Variants in DOCK7 observed in about 807,000 individuals in gnomAD.
The protein encoded by DOCK7 is dedicator of cytokinesis 7.
A neutral mutation model predicts 271.0 loss-of-function variants in DOCK7; 138 were observed. The observed-to-expected ratio is 0.51, with a 90% CI of 0.44 to 0.59. The LOEUF (loss-of-function observed/expected upper bound fraction) is 0.59, where lower values mean the gene tolerates loss of function less well. Among genes scored for constraint, DOCK7 ranks in the 20% least tolerant of loss-of-function variants. DOCK7 has a pLI of 0.00. For missense variants in DOCK7, 2,066 were observed against 2,592.4 expected (o/e 0.80, Z 4.41); for synonymous variants, 823 against 876.1 (o/e 0.94, Z 1.07).
chr1:62,651,159 GC>G (rs1412736531), intron 4 of DOCK7, among the ~76,000 whole-genome samples: 1 of 151,636 alleles, frequency 6.6e-6, no homozygotes, highest in African/African-American at 2.4e-5. Flanking sequence ...CATGGATGAA[GC>G]TGGAAACCAT....
At chr1:62,615,685 G>T (rs955021867) in intron 14 of DOCK7, among the ~76,000 whole-genome samples, 1 of 151,646 alleles carries the variant, frequency 6.6e-6, no homozygotes, top group African/African-American at 2.4e-5. Context: ...GTTCACTCAT[G>T]AGAGAAAAAT....
At position 62,495,700 on chromosome 1, in the gene DOCK7, T is replaced by G. The variant is rs775435967; in HGVS notation, c.4924-19A>C. On this transcript the variant is annotated intron_variant, in intron 38 of 49. Coordinates refer to ENST00000635253, the MANE Select transcript of DOCK7 (RefSeq NM_001367561.1). ...CCTGGACCTGCAGCAGAGAATTATA[T>G]GAAAAACATTCTTGAATTGTCATTC... The G allele has an allele frequency of 5.8e-6, 9 of 1,546,952 alleles. No individual in the cohort carries two copies. Among genetic ancestry groups the G allele is most frequent in the Non-Finnish European group, 7.9e-6 (9 of 1,146,344 alleles).
rs200524999 is a variant in DOCK7 at position 62,457,512 on chromosome 1, C to A, written c.6380+26G>T. On this transcript the variant is annotated intron_variant, in intron 49 of 49. Transcript: ENST00000635253. ...TGTTAGGTTTCAGAGGAAAGAATAT[C>A]TAAAACCACTTAAAAATAAGCATAC... The A allele has an allele frequency of 6.8e-6, 11 of 1,606,594 alleles. No homozygotes were observed. The Admixed American group carries it at 1.5e-4, about 23-fold the overall frequency.
intron 31 of DOCK7, among the ~76,000 whole-genome samples, chr1:62,526,088 T>C (rs1268888108): frequency 6.6e-6 from 1 of 152,048 alleles, no homozygotes; most frequent in Non-Finnish European, 1.5e-5. Flanking sequence ...AGTAGGCACA[T>C]GCCACCACGC....
intron 49 of DOCK7, among the ~76,000 whole-genome samples, chr1:62,457,243 G>A (rs1571159141): frequency 6.6e-6 from 1 of 152,166 alleles, no homozygotes; most frequent in Non-Finnish European, 1.5e-5. Flanking sequence ...AATGATTATA[G>A]ATGATACAGG....
At chr1:62,526,578 T>G (rs1376644296) in intron 31 of DOCK7, among the ~76,000 whole-genome samples, 1 of 152,126 alleles carries the variant, frequency 6.6e-6, no homozygotes, top group Non-Finnish European at 1.5e-5. Flanking sequence ...CTTAGGTATC[T>G]ACCTAAGAGA....
chr1:62,624,710 T>C (rs1321920078), intron 12 of DOCK7, among the ~76,000 whole-genome samples: 2 of 152,204 alleles, frequency 1.3e-5, no homozygotes, highest in Non-Finnish European at 2.9e-5. Flanking sequence ...CTGGACATGG[T>C]GGCTCACACC....
chr1:62,665,212 C>A (rs1336538762), intron 1 of DOCK7, among the ~76,000 whole-genome samples: 3 of 152,066 alleles, frequency 2.0e-5, no homozygotes, highest in African/African-American at 7.2e-5. Context: ...TGGTCTCGAA[C>A]TCCTCACCTC....
At chr1:62,498,717 T>A (rs1646694210) in intron 37 of DOCK7, among the ~76,000 whole-genome samples, 1 of 151,890 alleles carries the variant, frequency 6.6e-6, no homozygotes, top group Non-Finnish European at 1.5e-5. Context: ...CAGTTCCATA[T>A]TTTACTATGT....
chr1:62,628,997 A>G (rs1279890519), intron 11 of DOCK7: 2 of 152,262 alleles, frequency 1.3e-5, no homozygotes, highest in Admixed American at 6.5e-5. Flanking sequence ...TAATATCGCT[A>G]GCTTTTAAGA....
At chr1:62,460,648 G>C (rs1488813709) in intron 48 of DOCK7, among the ~76,000 whole-genome samples, 2 of 148,776 alleles carry the variant, frequency 1.3e-5, no homozygotes, top group African/African-American at 5.0e-5. Context: ...CACCCTCCAA[G>C]TATTTTTCTT....
intron 1 of DOCK7, among the ~76,000 whole-genome samples, chr1:62,676,848 T>C (rs1043462926): frequency 1.1e-4 from 16 of 151,992 alleles, no homozygotes; most frequent in Admixed American, 1.0e-3. Flanking sequence ...ATGACAAAAG[T>C]CAAAAAGAAA....
At chr1:62,499,701 C>G (rs1646723833) in intron 37 of DOCK7, among the ~76,000 whole-genome samples, 2 of 151,900 alleles carry the variant, frequency 1.3e-5, no homozygotes, top group Non-Finnish European at 2.9e-5. Flanking sequence ...GAGACAGATC[C>G]TGTTTCTACA....
At chr1:62,553,352 ATATTTTTTTTTTTTTTT>A (rs1352141428) in intron 21 of DOCK7, among the ~76,000 whole-genome samples, 315 of 9,312 alleles carry the variant, frequency 0.034, no homozygotes, top group Middle Eastern at 0.17. Context: ...ATATATATAT[ATATTTTTTTTTTTTTTT>A]TTTTTTTTTT....
At chr1:62,522,033 A>G (rs1453946145) in intron 31 of DOCK7, among the ~76,000 whole-genome samples, 4 of 152,076 alleles carry the variant, frequency 2.6e-5, no homozygotes, top group African/African-American at 9.6e-5. Context: ...AAGAAGAAAC[A>G]AAAAACTTCA....
rs138235537 is a variant in DOCK7, at chr1:62,607,536, G to A, written c.1682+11170C>T. Among the ~76,000 whole-genome samples the A allele has an allele frequency of 3.3e-3, 501 of 152,048 alleles. 4 individuals carry two copies. Among genetic ancestry groups the A allele is most frequent in the African/African-American group, 0.011 (459 of 41,450 alleles). On this transcript the variant is annotated intron_variant, in intron 14 of 49. Coordinates refer to ENST00000635253, the MANE Select transcript of DOCK7 (RefSeq NM_001367561.1). ...GTCTCTTCTTTCCTCCTAATTTTAC[G>A]TCCCTCTCCCTGTCAATCTTCCGAA...
chr1:62,660,278 A>T (rs188542818), intron 2 of DOCK7, among the ~76,000 whole-genome samples: 1 of 152,352 alleles, frequency 6.6e-6, no homozygotes, highest in East Asian at 1.9e-4. Context: ...ATAATAGGAA[A>T]ATCTTCAAAC....
rs559530056 is a variant in DOCK7, at chr1:62,581,730, C to T, written c.1871+1454G>A. Reference sequence around the variant, plus strand: ...TTTTGTGTGGAATGCCTTACACTTACGGGAAAAAGAATACTACAGAAAAAA... The same window carrying T: ...TTTTGTGTGGAATGCCTTACACTTATGGGAAAAAGAATACTACAGAAAAAA... On this transcript the variant is annotated intron_variant, in intron 16 of 49. Coordinates refer to ENST00000635253, the MANE Select transcript of DOCK7 (RefSeq NM_001367561.1). Among the ~76,000 whole-genome samples, 6 of 150,042 alleles carry T rather than the reference C, an allele frequency of 4.0e-5. No homozygotes were observed. In the East Asian group the frequency reaches 7.8e-4, roughly 19 times the overall value.
rs12563308 is a variant in DOCK7 at position 62,604,040 on chromosome 1, T to A, written c.1682+14666A>T. The A allele has an allele frequency of 1.3e-5, 21 of 1,612,992 alleles. No individual in the cohort carries two copies. The highest frequency in any genetic ancestry group is 1.7e-5 in the Non-Finnish European group (20 of 1,179,332). The stretch of plus-strand genomic sequence containing the variant: ...ATCTAATTATGTTTTACGAATTGAG[T>A]TGGAAGACTGGAAAGACAACAAACA... On this transcript the variant is annotated intron_variant, in intron 14 of 49. Coordinates refer to ENST00000635253, the MANE Select transcript of DOCK7 (RefSeq NM_001367561.1).
Sources: gnomAD v4.1 joint callset for allele counts (sites outside exome capture counted in the v4.1 genomes callset) on GRCh38, gnomAD v4.1.1 for gene constraint, MANE v1.5 for transcripts, NCBI Gene and HGNC (gene_info 2026-07-23, HGNC 2026-07-21) for gene names.